COL15A1: variants seen among roughly 807,000 people sequenced by gnomAD.
COL15A1 encodes the protein collagen alpha-1(XV) chain.
Under a neutral mutation model 165.9 loss-of-function variants are expected in COL15A1, and 111 were observed. The observed-to-expected ratio is 0.67, with a 90% CI of 0.57 to 0.78. The LOEUF (loss-of-function observed/expected upper bound fraction) is 0.78. COL15A1 is among the 30% of genes least tolerant of loss of function. The pLI, the probability that COL15A1 is intolerant of heterozygous loss-of-function variation, is 0.00. For synonymous variants in COL15A1, 659 were observed against 674.8 expected (o/e 0.98, Z 0.36); for missense variants, 1,745 against 1,789.7 (o/e 0.98, Z 0.45).
At chr9:98,983,875 G>A (rs1268846235) in intron 2 of COL15A1, among the ~76,000 whole-genome samples, 8 of 152,194 alleles carry the variant, frequency 5.3e-5, no homozygotes, top group Admixed American at 2.6e-4. Flanking sequence ...ACACAGCTAC[G>A]TAGTTGTGTC....
chr9:98,976,612 G>A (rs1052191937), intron 2 of COL15A1, among the ~76,000 whole-genome samples: 87 of 152,198 alleles, frequency 5.7e-4, no homozygotes, highest in African/African-American at 2.1e-3. Context: ...CCCGACCTCA[G>A]TGACTCTCAC....
rs781252867 is a variant in COL15A1 at position 99,000,788 on chromosome 9, T to C, written c.953-51T>C. On this transcript the variant is annotated intron_variant, in intron 6 of 41. Transcript: ENST00000375001. Reference sequence around the variant, plus strand: ...CTGGTGAAGAGATACCTCATTCTTTTCCAAGACTGCAAAATGTAGTTATTG... The same window carrying C: ...CTGGTGAAGAGATACCTCATTCTTTCCCAAGACTGCAAAATGTAGTTATTG... 4.5e-6 allele frequency: 4 copies of C among 887,276 alleles called. No individual in the cohort carries two copies. In the Middle Eastern group the frequency reaches 6.6e-4, roughly 146 times the overall value. The allele number at this position is 887,276 out of a possible 1,614,324, so 55.0% of individuals were successfully genotyped here.
At chr9:99,015,326 G>C in intron 9 of COL15A1, 91 bp from the exon 10 acceptor site, 1 of 823,830 alleles carries the variant, frequency 1.2e-6, no homozygotes, top group South Asian at 1.5e-5. Flanking sequence ...AGTTATCTGA[G>C]GCTTTAGCGC....
chr9:99,069,584 G>A, intron 41 of COL15A1, 89 bp from the exon 42 acceptor site: 1 of 1,505,392 alleles, frequency 6.6e-7, no homozygotes, highest in Non-Finnish European at 9.0e-7. Context: ...AGTTTAACTT[G>A]ATTCATTAGA....
chr9:98,966,349 T>C (rs561114648), intron 2 of COL15A1, among the ~76,000 whole-genome samples: 3 of 152,284 alleles, frequency 2.0e-5, no homozygotes, highest in Admixed American at 2.0e-4. Context: ...TGCACCCCCA[T>C]GGAGGAGATG....
At chr9:99,062,509 C>T (rs931327220) in intron 38 of COL15A1, among the ~76,000 whole-genome samples, 1 of 152,206 alleles carries the variant, frequency 6.6e-6, no homozygotes, top group Non-Finnish European at 1.5e-5. Context: ...AGGCTGGAGA[C>T]CTGCTGTTCC....
chr9:99,062,414 C>T (rs189848436), intron 38 of COL15A1, 110 bp downstream of exon 38: 13 of 829,258 alleles, frequency 1.6e-5, no homozygotes, highest in African/African-American at 5.1e-5. Context: ...CAGCTGTGCA[C>T]GGTTTAGTAT....
intron 2 of COL15A1, among the ~76,000 whole-genome samples, chr9:98,945,806 T>C (rs957012296): frequency 7.9e-5 from 12 of 152,198 alleles, no homozygotes; most frequent in African/African-American, 1.2e-4. Flanking sequence ...CCATGGTCTT[T>C]TGTGAACTTT....
intron 2 of COL15A1, among the ~76,000 whole-genome samples, chr9:98,967,736 C>T (rs577347979): frequency 1.6e-4 from 24 of 152,330 alleles, no homozygotes; most frequent in African/African-American, 5.5e-4. Context: ...CTGGCCCCTG[C>T]ACCAGACGTC....
chr9:99,041,028 A>G (rs964172395), intron 23 of COL15A1: 1 of 168,884 alleles, frequency 5.9e-6, no homozygotes, highest in Non-Finnish European at 1.3e-5. Flanking sequence ...CCTGGGGCAC[A>G]TTTCAGAGCA....
At chr9:99,004,445 C>G (rs910231488) in intron 8 of COL15A1, among the ~76,000 whole-genome samples, 3 of 152,084 alleles carry the variant, frequency 2.0e-5, no homozygotes, top group African/African-American at 7.2e-5. Flanking sequence ...TCAGGGCTAT[C>G]GGAGCGGTGG....
Position 99,003,528 on chromosome 9 carries a change from C to T in COL15A1, c.1141C>T (p.Pro381Ser). Residue 381 changes from proline to serine, a missense_variant, in exon 8 of 42, where the codon CCC becomes TCC. Physicochemically the swap from Pro to Ser is moderately conservative, Grantham distance 74. Coordinates refer to ENST00000375001, the MANE Select transcript of COL15A1 (RefSeq NM_001855.5). ...TAGEAEASSVPTGGPTLSMST... is the reference protein window; with the variant it reads ...TAGEAEASSVSTGGPTLSMST... Reference sequence around the variant, plus strand: ...TGGAGAAGCAGAGGCCAGCAGTGTGCCCACCGGGGGACCAACCCTCTCTAT... The same window carrying T: ...TGGAGAAGCAGAGGCCAGCAGTGTGTCCACCGGGGGACCAACCCTCTCTAT... The T allele has an allele frequency of 1.3e-6, 2 of 1,570,000 alleles. No individual in the cohort carries two copies. The highest frequency in any genetic ancestry group is 1.2e-5 in the South Asian group (1 of 85,018).
chr9:98,961,834 AC>A (rs1020295789), intron 2 of COL15A1, among the ~76,000 whole-genome samples: 15 of 152,192 alleles, frequency 9.9e-5, no homozygotes, highest in African/African-American at 3.6e-4. Flanking sequence ...AAGGGTCTCT[AC>A]CTTTACATAG....
chr9:99,029,441 A>C (rs888729572), intron 16 of COL15A1, among the ~76,000 whole-genome samples: 2 of 152,254 alleles, frequency 1.3e-5, no homozygotes, highest in African/African-American at 2.4e-5. Flanking sequence ...GTCTTTGAAC[A>C]ATTCTCTAAA....
intron 39 of COL15A1, among the ~76,000 whole-genome samples, chr9:99,064,977 A>G (rs1298978186): frequency 6.6e-6 from 1 of 152,244 alleles, no homozygotes; most frequent in Non-Finnish European, 1.5e-5. Context: ...TAACACACCT[A>G]CAATTTTATC....
intron 2 of COL15A1, among the ~76,000 whole-genome samples, chr9:98,981,978 T>C (rs1008465529): frequency 6.6e-6 from 1 of 152,116 alleles, no homozygotes; most frequent in Non-Finnish European, 1.5e-5. Flanking sequence ...AATTTTTAAA[T>C]TTTTTGTAGA....
chr9:99,055,696 G>T (rs936344882), intron 34 of COL15A1, among the ~76,000 whole-genome samples: 1 of 152,220 alleles, frequency 6.6e-6, no homozygotes, highest in Non-Finnish European at 1.5e-5. Context: ...AAGCAGAATG[G>T]AAGGTAAGGA....
chr9:99,054,671 G>C lies in COL15A1; in HGVS notation c.3031+15G>C. On this transcript the variant is annotated intron_variant, in intron 32 of 41. Transcript: ENST00000375001. ...GGGACCACCAGGTATTCCAGCTCTT[G>C]TTCTCAATCTTGCCTTTGATTTTTT... 1 of 1,597,966 alleles carries C rather than the reference G, an allele frequency of 6.3e-7. No individual in the cohort carries two copies. The highest frequency in any genetic ancestry group is 8.5e-7 in the Non-Finnish European group (1 of 1,175,338).
intron 31 of COL15A1, among the ~76,000 whole-genome samples, chr9:99,053,117 G>A (rs1305537174): frequency 6.6e-6 from 1 of 152,250 alleles, no homozygotes; most frequent in African/African-American, 2.4e-5. Context: ...ACATCAGAAA[G>A]GCACAGGCCA....
Sources: gnomAD v4.1 joint callset for allele counts (sites outside exome capture counted in the v4.1 genomes callset) on GRCh38, gnomAD v4.1.1 for gene constraint, MANE v1.5 for transcripts, NCBI Gene and HGNC (gene_info 2026-07-23, HGNC 2026-07-21) for gene names.